Variants in ZNF827 observed in about 807,000 individuals in gnomAD.
The protein encoded by ZNF827 is zinc finger protein 827.
In ZNF827, 13 loss-of-function variants were observed where a neutral mutation model predicts 102.4. The observed-to-expected ratio is 0.13, with a 90% confidence interval of 0.08 to 0.20. ZNF827 has a LOEUF of 0.20. ZNF827 is among the 10% of genes least tolerant of loss of function. The probability of loss-of-function intolerance (pLI) is 1.00; values close to 1 mark genes in which losing one functional copy is unlikely to be tolerated. For synonymous variants in ZNF827, 523 were observed against 536.2 expected (o/e 0.98, Z 0.34); for missense variants, 1,103 against 1,344.4 (o/e 0.82, Z 2.81).
chr4:145,830,550 C>T (rs1251139499), intron 7 of ZNF827: 2 of 152,062 alleles, frequency 1.3e-5, no homozygotes, highest in Non-Finnish European at 2.9e-5. Flanking sequence ...TGATTAATGC[C>T]GTTTTCTTCA....
intron 8 of ZNF827, among the ~76,000 whole-genome samples, chr4:145,808,389 T>G (rs1439802293): frequency 6.6e-6 from 1 of 152,162 alleles, no homozygotes; most frequent in Non-Finnish European, 1.5e-5. Context: ...CACAGGCCCC[T>G]TTCCCAGGAC....
At chr4:145,857,481 C>T (rs1489831801) in intron 5 of ZNF827, among the ~76,000 whole-genome samples, 1 of 152,168 alleles carries the variant, frequency 6.6e-6, no homozygotes, top group Non-Finnish European at 1.5e-5. Flanking sequence ...AACAGGTCCT[C>T]GACTGAGCTA....
intron 8 of ZNF827, among the ~76,000 whole-genome samples, chr4:145,791,047 G>A (rs187991629): frequency 6.6e-6 from 1 of 152,254 alleles, no homozygotes; most frequent in Admixed American, 6.5e-5. Flanking sequence ...TTTTTCCTCA[G>A]GCAGGGAATC....
chr4:145,924,568 C>G lies in ZNF827; in HGVS notation c.43+13797G>C, dbSNP rs1753291058. 2.0e-5 allele frequency among the ~76,000 whole-genome samples: 3 copies of G among 152,296 alleles called. No homozygotes were observed. In the South Asian group the frequency reaches 6.2e-4, roughly 32 times the overall value. The stretch of plus-strand genomic sequence containing the variant: ...TGAGAAGCTGGTTTGAGGCAGGGCT[C>G]TCCCAACAGCCCCTTCAGGGGTCAC... On this transcript the variant is annotated intron_variant, in intron 1 of 14. Transcript: ENST00000508784.
At chr4:145,879,417 G>A (rs549543582) in intron 4 of ZNF827, among the ~76,000 whole-genome samples, 22 of 152,264 alleles carry the variant, frequency 1.4e-4, no homozygotes, top group African/African-American at 5.3e-4. Context: ...TAAAAAGAAC[G>A]GACTTCAAGG....
intron 13 of ZNF827, among the ~76,000 whole-genome samples, chr4:145,764,282 T>C (rs1208318121): frequency 6.6e-6 from 1 of 152,224 alleles, no homozygotes; most frequent in Non-Finnish European, 1.5e-5. Flanking sequence ...GATGAGGTAG[T>C]ACTAGGACAT....
At position 145,763,272 on chromosome 4, in the gene ZNF827, T is replaced by C; in HGVS notation, c.3231-150A>G. The stretch of plus-strand genomic sequence containing the variant: ...CATTTCTGTGACCCACAGCTCAATC[T>C]TTCTTTCACTGCTCAGGCAAAGTGC... On this transcript the variant is annotated intron_variant, in intron 13 of 14. Coordinates refer to ENST00000508784, the MANE Select transcript of ZNF827 (RefSeq NM_001306215.2). The surrounding 1 kb of genome is among the most constrained non-coding windows in gnomAD (Gnocchi z 4.6). 1.2e-6 allele frequency: 1 copy of C among 802,646 alleles called. No homozygotes were observed. The highest frequency in any genetic ancestry group is 2.7e-5 in the Admixed American group (1 of 37,146). 49.7% of individuals were successfully genotyped at this position (802,646 alleles called of 1,614,324 possible). A position where few individuals can be genotyped will look rare whatever the true frequency, so the allele number is the denominator to read the frequency against.
At chr4:145,837,980 C>A (rs1278455493) in intron 7 of ZNF827, among the ~76,000 whole-genome samples, 4 of 152,182 alleles carry the variant, frequency 2.6e-5, no homozygotes. Flanking sequence ...CATACCACCC[C>A]CCAAAAATTT....
chr4:145,813,945 G>A (rs1209411468), intron 8 of ZNF827, among the ~76,000 whole-genome samples: 1 of 152,160 alleles, frequency 6.6e-6, no homozygotes, highest in Non-Finnish European at 1.5e-5. Flanking sequence ...CATGGTAACT[G>A]AATGGAAGTG....
At chr4:145,799,131 T>TTGGGGTTG (rs1560937309) in intron 8 of ZNF827, among the ~76,000 whole-genome samples, 2 of 152,222 alleles carry the variant, frequency 1.3e-5, no homozygotes, top group East Asian at 3.8e-4. Context: ...TGATACTTTA[T>TTGGGGTTG]TGGGGTTGTG....
intron 1 of ZNF827, among the ~76,000 whole-genome samples, chr4:145,919,894 C>T (rs1752937901): frequency 6.6e-6 from 1 of 152,206 alleles, no homozygotes; most frequent in African/African-American, 2.4e-5. Context: ...TCTATTTATA[C>T]AGCATGAAAC....
At chr4:145,932,838 C>T (rs1187458077) in intron 1 of ZNF827, among the ~76,000 whole-genome samples, 1 of 152,192 alleles carries the variant, frequency 6.6e-6, no homozygotes, top group Non-Finnish European at 1.5e-5. Context: ...ACACACTTTC[C>T]CTTAGGTGTG....
At chr4:145,874,557 C>T (rs1748990334) in intron 4 of ZNF827, among the ~76,000 whole-genome samples, 1 of 151,892 alleles carries the variant, frequency 6.6e-6, no homozygotes, top group Admixed American at 6.6e-5. Context: ...TTAAATTATC[C>T]CACTTTACAA....
At chr4:145,848,668 T>C (rs1301366341) in intron 6 of ZNF827, among the ~76,000 whole-genome samples, 3 of 152,218 alleles carry the variant, frequency 2.0e-5, no homozygotes, top group East Asian at 3.8e-4. Context: ...ACAAATGCTA[T>C]GCGGCTTGAA....
At chr4:145,868,070 C>A (rs1006819743) in intron 5 of ZNF827, among the ~76,000 whole-genome samples, 1 of 152,176 alleles carries the variant, frequency 6.6e-6, no homozygotes, top group Non-Finnish European at 1.5e-5. Flanking sequence ...ACTCTAATAT[C>A]CACTTTAAAC....
At position 145,851,700 on chromosome 4, in the gene ZNF827, C is replaced by G. The variant is rs564218582; in HGVS notation, c.1982-2139G>C. Among the ~76,000 whole-genome samples the G allele has an allele frequency of 2.3e-4, 35 of 152,194 alleles. No individual in the cohort carries two copies. The East Asian group carries it at 2.9e-3, about 13-fold the overall frequency. ...TGGTATTTACTTTAGATCCCTCCCCCCTTTCCCTACTCCTGCCAAGCTGTT... is the reference window on the plus strand; with the variant it reads ...TGGTATTTACTTTAGATCCCTCCCCGCTTTCCCTACTCCTGCCAAGCTGTT... On this transcript the variant is annotated intron_variant, in intron 5 of 14. Transcript: ENST00000508784.
At chr4:145,926,266 GA>G (rs1753414723) in intron 1 of ZNF827, among the ~76,000 whole-genome samples, 2 of 152,290 alleles carry the variant, frequency 1.3e-5, no homozygotes, top group Non-Finnish European at 1.5e-5. Flanking sequence ...TCACTTGAAA[GA>G]ACTTCATATA....
At chr4:145,778,768 C>A (rs1737509458) in intron 9 of ZNF827, among the ~76,000 whole-genome samples, 1 of 152,106 alleles carries the variant, frequency 6.6e-6, no homozygotes, top group Non-Finnish European at 1.5e-5. Flanking sequence ...TATTTAAAAA[C>A]CTGATTTCAG....
intron 8 of ZNF827, among the ~76,000 whole-genome samples, chr4:145,792,321 C>A (rs891956819): frequency 6.6e-6 from 1 of 150,802 alleles, no homozygotes; most frequent in African/African-American, 2.4e-5. Flanking sequence ...AGAGTTTGAA[C>A]TACTGAATTT....
Sources: allele counts gnomAD v4.1 joint callset (sites outside exome capture counted in the v4.1 genomes callset), GRCh38; gene constraint gnomAD v4.1.1; non-coding constraint Gnocchi (gnomAD v3.1); transcripts MANE v1.5; gene names NCBI Gene and HGNC (gene_info 2026-07-23, HGNC 2026-07-21).